The following EMID1 variants were observed in gnomAD, a reference collection of about 807,000 sequenced individuals.
EMID1 encodes the protein EMI domain-containing protein 1.
A neutral mutation model predicts 60.6 loss-of-function variants in EMID1; 40 were observed. The observed-to-expected ratio is 0.66, with a 90% CI of 0.51 to 0.86. The LOEUF is 0.86. Ranked by LOEUF, EMID1 falls within the 40% of genes least tolerant of loss-of-function variation. The pLI is 0.00. For missense variants in EMID1, 585 were observed against 597.1 expected (o/e 0.98, Z 0.21); for synonymous variants, 242 against 231.0 (o/e 1.05, Z -0.43).
chr22:29,224,168 G>A (rs2040407159), intron 3 of EMID1, among the ~76,000 whole-genome samples: 1 of 152,208 alleles, frequency 6.6e-6, no homozygotes, highest in South Asian at 2.1e-4. Context: ...CCTCCGCTGG[G>A]GGCTGGCCAG....
intron 13 of EMID1, among the ~76,000 whole-genome samples, chr22:29,252,764 G>A (rs372730714): frequency 1.3e-5 from 2 of 152,194 alleles, no homozygotes; most frequent in Non-Finnish European, 2.9e-5. Context: ...GCCAGAGACA[G>A]GGAGAAGCAG....
At chr22:29,222,329 A>G (rs559297366) in intron 3 of EMID1, among the ~76,000 whole-genome samples, 1 of 151,932 alleles carries the variant, frequency 6.6e-6, no homozygotes, top group African/African-American at 2.4e-5. Flanking sequence ...CCTGGGCTCA[A>G]GCAATCTGCC....
intron 3 of EMID1, among the ~76,000 whole-genome samples, chr22:29,224,372 GC>G (rs2040417648): frequency 1.3e-5 from 2 of 152,320 alleles, no homozygotes; most frequent in South Asian, 2.1e-4. Context: ...CTCCAGCTAT[GC>G]CCCCGCCCCT....
chr22:29,209,245 G>A (rs1183817163), intron 1 of EMID1, among the ~76,000 whole-genome samples: 2 of 152,154 alleles, frequency 1.3e-5, no homozygotes, highest in Admixed American at 1.3e-4. Flanking sequence ...GCCTTTGTGG[G>A]AGTGGCCGGT....
chr22:29,242,870 A>G (rs1337388665), intron 12 of EMID1, among the ~76,000 whole-genome samples: 2 of 152,074 alleles, frequency 1.3e-5, no homozygotes, highest in Non-Finnish European at 2.9e-5. Context: ...TTGGACTGGA[A>G]CTCTAAACTC....
In EMID1 at chr22:29,237,347, A is replaced by G. The variant is rs2040990654; in HGVS notation, c.1074+2998A>G. On this transcript the variant is annotated intron_variant, in intron 12 of 14. Transcript: ENST00000334018. The stretch of plus-strand genomic sequence containing the variant: ...AGGCACCTGCCACCCTGCCTGGCTA[A>G]TTTTTATATTTTTAGTAGAGACAGG... Among the ~76,000 whole-genome samples the G allele has an allele frequency of 1.4e-5, 2 of 142,136 alleles. 1 individual carries two copies. The allele number at this position is 142,136 out of a possible 152,430, so 93.2% of individuals were successfully genotyped here.
At position 29,231,699 on chromosome 22, in the gene EMID1, C is replaced by G; in HGVS notation, c.676+17C>G. ...GCCCACCAGGTGAGTGCCCGCAATG[C>G]TGCCCCACAGCTCCTCTGGCCATCC... On this transcript the variant is annotated intron_variant, in intron 7 of 14. Coordinates refer to ENST00000334018, the MANE Select transcript of EMID1 (RefSeq NM_133455.4). 1 of 1,445,990 alleles carries G rather than the reference C, an allele frequency of 6.9e-7. No homozygotes were observed. The highest frequency in any genetic ancestry group is 2.5e-5 in the East Asian group (1 of 39,278). The allele number at this position is 1,445,990 out of a possible 1,614,324, so 89.6% of individuals were successfully genotyped here. A position where few individuals can be genotyped will look rare whatever the true frequency, so the allele number is the denominator to read the frequency against.
chr22:29,238,806 C>G (rs762412490), intron 12 of EMID1, among the ~76,000 whole-genome samples: 1 of 140,498 alleles, frequency 7.1e-6, no homozygotes, highest in Non-Finnish European at 1.5e-5. Context: ...GATCCTCTTG[C>G]CTTGGCCTCC....
At chr22:29,251,505 C>T (rs1015409029) in intron 13 of EMID1, among the ~76,000 whole-genome samples, 11 of 151,632 alleles carry the variant, frequency 7.3e-5, no homozygotes, top group East Asian at 5.9e-4. Flanking sequence ...CCAGCCCCCC[C>T]GGCGTTTTTT....
At chr22:29,227,832 G>A (rs2040581172) in intron 5 of EMID1, among the ~76,000 whole-genome samples, 1 of 151,788 alleles carries the variant, frequency 6.6e-6, no homozygotes, top group Non-Finnish European at 1.5e-5. Context: ...TGGCTAAGAT[G>A]GTGAAACCTC....
At chr22:29,227,980 AC>A (rs758129831) in intron 5 of EMID1, among the ~76,000 whole-genome samples, 14 of 151,350 alleles carry the variant, frequency 9.3e-5, no homozygotes, top group Admixed American at 2.0e-4. Flanking sequence ...ACTTGGAGAA[AC>A]CCCATCTCTA....
At chr22:29,234,908 G>C (rs908081303) in intron 12 of EMID1, among the ~76,000 whole-genome samples, 5 of 151,288 alleles carry the variant, frequency 3.3e-5, no homozygotes, top group African/African-American at 7.3e-5. Context: ...CATCATGGCT[G>C]GGTGTGGTGG....
At chr22:29,232,030 G>A in intron 7 of EMID1, 1 of 599,954 alleles carries the variant, frequency 1.7e-6, no homozygotes, top group Non-Finnish European at 2.9e-6. Context: ...TTCTATGAGG[G>A]GTTTTGGGGG....
intron 12 of EMID1, among the ~76,000 whole-genome samples, chr22:29,242,780 T>C (rs943629553): frequency 6.6e-6 from 1 of 152,210 alleles, no homozygotes; most frequent in Non-Finnish European, 1.5e-5. Flanking sequence ...AATCCTGAGA[T>C]AGGGTCTTTC....
rs2040022107 is a variant in EMID1 at position 29,214,824 on chromosome 22, G to A, written c.102-102G>A. The A allele has an allele frequency of 6.4e-6, 5 of 776,758 alleles. No homozygotes were observed. In the Admixed American group the frequency reaches 1.5e-4, roughly 24 times the overall value. 48.1% of individuals were successfully genotyped at this position (776,758 alleles called of 1,614,324 possible). ...GGGCTTCTCGCTGCCTGGGGATTCA[G>A]GGCTCTTGAAGAGAACACGGACGTC... On this transcript the variant is annotated intron_variant, in intron 1 of 14. Transcript: ENST00000334018.
intron 1 of EMID1, among the ~76,000 whole-genome samples, chr22:29,213,008 C>G (rs1317255157): frequency 5.3e-5 from 8 of 152,248 alleles, no homozygotes; most frequent in Admixed American, 5.2e-4. Flanking sequence ...GCCCTCCTTG[C>G]TCCCAGACAT....
intron 1 of EMID1, among the ~76,000 whole-genome samples, chr22:29,208,764 G>A (rs2039772149): frequency 6.6e-6 from 1 of 152,210 alleles, no homozygotes; most frequent in Non-Finnish European, 1.5e-5. Flanking sequence ...CTGTGCTGGT[G>A]TCCCCAATCC....
intron 14 of EMID1, chr22:29,255,397 C>T (rs1357413904): frequency 7.2e-7 from 1 of 1,389,956 alleles, no homozygotes; most frequent in African/African-American, 1.5e-5. Context: ...GCAGCCTCTT[C>T]CAGGAAGGGC....
At position 29,231,140 on chromosome 22, in the gene EMID1, G is replaced by C. The variant is rs1568987025; in HGVS notation, c.586G>C (p.Asp196His). 12 of 1,597,844 alleles carry C rather than the reference G, an allele frequency of 7.5e-6. No individual in the cohort carries two copies. The highest frequency in any genetic ancestry group is 9.4e-6 in the Non-Finnish European group (11 of 1,173,570). Residue 196 changes from aspartate (D) to histidine (H), a missense_variant and splice_region_variant, in exon 6 of 15, where the codon GAC becomes CAC. Coordinates refer to ENST00000334018, the MANE Select transcript of EMID1 (RefSeq NM_133455.4). Reference sequence around the variant, plus strand: ...CAGCCCCGGAGATGGAGGCCTCCAGGGTGAGTGTCAGACTCAGACTCCCCT... The same window carrying C: ...CAGCCCCGGAGATGGAGGCCTCCAGCGTGAGTGTCAGACTCAGACTCCCCT... Reference protein sequence around the residue: ...QGSPGDGGLQDQVGAWGLPGP... With the variant: ...QGSPGDGGLQHQVGAWGLPGP...
Sources: allele counts gnomAD v4.1 joint callset (sites outside exome capture counted in the v4.1 genomes callset), GRCh38; gene constraint gnomAD v4.1.1; transcripts MANE v1.5; gene names NCBI Gene and HGNC (gene_info 2026-07-23, HGNC 2026-07-21).